Variants in WDR27 observed in about 807,000 individuals in gnomAD.
The protein encoded by WDR27 is WD repeat-containing protein 27.
Under a neutral mutation model 114.4 loss-of-function variants are expected in WDR27, and 100 were observed. The ratio of observed to expected loss-of-function variants is 0.87; its 90% CI spans 0.74 to 1.03. The LOEUF (loss-of-function observed/expected upper bound fraction) is 1.03, where lower values mean the gene tolerates loss of function less well. Among genes scored for constraint, WDR27 ranks in the 50% least tolerant of loss-of-function variants. The pLI, the probability that WDR27 is intolerant of heterozygous loss-of-function variation, is 0.00. For missense variants in WDR27, 1,129 were observed against 1,092.9 expected (o/e 1.03, Z -0.47); for synonymous variants, 449 against 423.1 (o/e 1.06, Z -0.75).
chr6:169,586,847 C>CAGAAAAAAAA (rs1804703143), intron 23 of WDR27, among the ~76,000 whole-genome samples: 2 of 32,058 alleles, frequency 6.2e-5, no homozygotes, highest in Non-Finnish European at 5.6e-5. Context: ...GACTCTGTCT[C>CAGAAAAAAAA]AAAAAAAAAA....
chr6:169,623,364 A>T (rs1284417960), intron 21 of WDR27, among the ~76,000 whole-genome samples: 1 of 152,188 alleles, frequency 6.6e-6, no homozygotes, highest in Non-Finnish European at 1.5e-5. Flanking sequence ...TTGGAGTCAT[A>T]ATAAAACTCC....
chr6:169,583,065 T>A (rs1332052558), intron 23 of WDR27, 131 bp from the exon 24 acceptor site: 4 of 691,848 alleles, frequency 5.8e-6, no homozygotes, highest in Non-Finnish European at 9.9e-6. Flanking sequence ...CCAAGATGCC[T>A]GACAAAACAT....
chr6:169,592,243 TTTG>T (rs938237414), intron 23 of WDR27, among the ~76,000 whole-genome samples: 13 of 152,018 alleles, frequency 8.6e-5, no homozygotes, highest in Admixed American at 3.3e-4. Flanking sequence ...CTACTGGCAT[TTTG>T]TTGTTGTTGT....
the WDR27 span, among the ~76,000 whole-genome samples, chr6:169,438,018 T>C: frequency 6.6e-6 from 1 of 152,140 alleles, no homozygotes; most frequent in Non-Finnish European, 1.5e-5. Context: ...GTGAGCATAG[T>C]ACCCAATAGG....
intron 25 of WDR27, among the ~76,000 whole-genome samples, chr6:169,471,178 C>G (rs191696129): frequency 7.0e-6 from 1 of 143,540 alleles, no homozygotes; most frequent in Non-Finnish European, 1.5e-5. Flanking sequence ...ACTGCAGTGG[C>G]AAAACCTGCA....
chr6:169,565,488 A>C (rs2128120667), intron 25 of WDR27, among the ~76,000 whole-genome samples: 1 of 152,262 alleles, frequency 6.6e-6, no homozygotes, highest in Admixed American at 6.5e-5. Context: ...AGGTATTGGA[A>C]ATCTGTATTT....
intron 25 of WDR27, among the ~76,000 whole-genome samples, chr6:169,458,691 G>C (rs1784569307): frequency 6.6e-6 from 1 of 151,850 alleles, no homozygotes; most frequent in Non-Finnish European, 1.5e-5. Context: ...GGAGGCTGAG[G>C]CATGAGACTT....
chr6:169,505,922 G>A (rs981583584), intron 25 of WDR27, among the ~76,000 whole-genome samples: 6 of 152,126 alleles, frequency 3.9e-5, no homozygotes, highest in Admixed American at 6.6e-5. Flanking sequence ...GCCACACTTC[G>A]GACACACTGC....
chr6:169,670,515 G>A, intron 4 of WDR27, 54 bp downstream of exon 4: 1 of 1,608,040 alleles, frequency 6.2e-7, no homozygotes, highest in Non-Finnish European at 8.5e-7. Context: ...CCAGAACCTG[G>A]GAGGCCCCAT....
In WDR27 at chr6:169,659,372, T is replaced by A; in HGVS notation, c.1197+79A>T. ...CACAAAATCCCGTTTACTCAGCCAG[T>A]CGTTACAGGATCACTCTGAAGAAAG... On this transcript the variant is annotated intron_variant, in intron 11 of 25. Coordinates refer to ENST00000448612, the MANE Select transcript of WDR27 (RefSeq NM_182552.5). This position sits in a 1 kb window ranked among gnomAD's most constrained non-coding sequence, Gnocchi z 4.3. The A allele has an allele frequency of 6.3e-7, 1 of 1,587,062 alleles. No individual in the cohort carries two copies. Among genetic ancestry groups the A allele is most frequent in the Non-Finnish European group, 8.6e-7 (1 of 1,161,286 alleles).
At chr6:169,462,166 T>C (rs1784985270) in intron 25 of WDR27, among the ~76,000 whole-genome samples, 1 of 151,802 alleles carries the variant, frequency 6.6e-6, no homozygotes, top group Non-Finnish European at 1.5e-5. Flanking sequence ...AGAAAAATCT[T>C]AGGCTGGGCA....
rs1044423932 is a variant in WDR27, at chr6:169,514,071, G to A, written c.2646-56437C>T. Among the ~76,000 whole-genome samples, 15 of 152,144 alleles carry A rather than the reference G, an allele frequency of 9.9e-5. No homozygotes were observed. The South Asian group carries it at 1.7e-3, about 17-fold the overall frequency. On this transcript the variant is annotated intron_variant, in intron 25 of 25. Coordinates refer to ENST00000448612, the MANE Select transcript of WDR27 (RefSeq NM_182552.5). ...GATTCCAAGTCTGGATAAGGTTCAC[G>A]TTATTTCAGGATGGATGAAGAGAGG...
At chr6:169,464,467 G>C (rs909849783) in intron 25 of WDR27, among the ~76,000 whole-genome samples, 1 of 152,068 alleles carries the variant, frequency 6.6e-6, no homozygotes, top group Admixed American at 6.5e-5. Flanking sequence ...CCAGAATTAG[G>C]GTTGGCAATG....
chr6:169,583,534 CACACACAT>C (rs1803972205), intron 23 of WDR27, among the ~76,000 whole-genome samples: 1 of 145,436 alleles, frequency 6.9e-6, no homozygotes, highest in Non-Finnish European at 1.5e-5. Context: ...CACACACACA[CACACACAT>C]AAAATTCTGG....
chr6:169,658,734 A>C (rs1419446006), intron 12 of WDR27, among the ~76,000 whole-genome samples: 2 of 149,658 alleles, frequency 1.3e-5, no homozygotes, highest in Non-Finnish European at 3.0e-5. Flanking sequence ...CCCAGGCTGC[A>C]GTGCAGTGGC....
intron 25 of WDR27, among the ~76,000 whole-genome samples, chr6:169,569,051 A>G (rs1227139728): frequency 6.6e-6 from 1 of 150,804 alleles, no homozygotes; most frequent in East Asian, 2.2e-4. Context: ...CCATCAACAG[A>G]GAACGCAGCA....
intron 2 of WDR27, among the ~76,000 whole-genome samples, chr6:169,686,740 A>G (rs191721256): frequency 6.6e-6 from 1 of 152,326 alleles, no homozygotes; most frequent in East Asian, 1.9e-4. Flanking sequence ...GAATCAACCT[A>G]AGCATCCATC....
intron 25 of WDR27, among the ~76,000 whole-genome samples, chr6:169,534,811 T>C (rs1239986448): frequency 1.3e-5 from 2 of 152,182 alleles, no homozygotes; most frequent in African/African-American, 2.4e-5. Flanking sequence ...TCTTATTCTT[T>C]GCTTCCCTGC....
intron 1 of WDR27, among the ~76,000 whole-genome samples, chr6:169,693,020 T>C (rs1195397381): frequency 6.6e-6 from 1 of 152,176 alleles, no homozygotes; most frequent in East Asian, 1.9e-4. Context: ...CACAAAATGA[T>C]TATGACCTGG....
Sources: gnomAD v4.1 joint callset for allele counts (sites outside exome capture counted in the v4.1 genomes callset) on GRCh38, gnomAD v4.1.1 for gene constraint, Gnocchi (gnomAD v3.1) non-coding constraint, MANE v1.5 for transcripts, NCBI Gene and HGNC (gene_info 2026-07-23, HGNC 2026-07-21) for gene names.